Variants in ZGPAT observed in about 807,000 individuals in gnomAD.
ZGPAT encodes the protein zinc finger CCCH-type with G patch domain-containing protein.
ZGPAT carries 39 observed loss-of-function variants against 47.9 expected under a neutral mutation model. The ratio of observed to expected loss-of-function variants is 0.81; its 90% CI spans 0.63 to 1.06. The LOEUF is 1.06. Among genes scored for constraint, ZGPAT ranks in the 50% least tolerant of loss-of-function variants. ZGPAT has a pLI of 0.00. For missense variants in ZGPAT, 717 were observed against 681.4 expected (o/e 1.05, Z -0.58); for synonymous variants, 348 against 292.9 (o/e 1.19, Z -1.92).
intron 2 of ZGPAT, among the ~76,000 whole-genome samples, chr20:63,729,326 G>A (rs534240900): frequency 1.3e-5 from 2 of 152,210 alleles, no homozygotes; most frequent in South Asian, 2.1e-4. Context: ...CACCGCTCCC[G>A]GCCCATATTC....
intron 2 of ZGPAT, among the ~76,000 whole-genome samples, chr20:63,732,329 G>A (rs1242858485): frequency 7.8e-5 from 4 of 51,088 alleles, no homozygotes; most frequent in South Asian, 1.3e-3. Context: ...GCATGTGTGT[G>A]CACGTGTGTG....
At chr20:63,710,994 C>T (rs570057562) in intron 2 of ZGPAT, among the ~76,000 whole-genome samples, 3 of 152,030 alleles carry the variant, frequency 2.0e-5, no homozygotes, top group Admixed American at 6.6e-5. Context: ...GTGTAACCAT[C>T]CCTAGTTCTA....
intron 2 of ZGPAT, among the ~76,000 whole-genome samples, chr20:63,731,222 C>A (rs181485655): frequency 2.6e-5 from 4 of 152,126 alleles, no homozygotes; most frequent in Non-Finnish European, 5.9e-5. Flanking sequence ...ATGGGACACA[C>A]GGGGCATATT....
At chr20:63,722,958 G>C (rs932343967) in intron 2 of ZGPAT, among the ~76,000 whole-genome samples, 1 of 152,090 alleles carries the variant, frequency 6.6e-6, no homozygotes, top group Non-Finnish European at 1.5e-5. Flanking sequence ...CTATAACATA[G>C]ATCTACTTCC....
intron 2 of ZGPAT, among the ~76,000 whole-genome samples, chr20:63,721,010 T>C (rs1302124809): frequency 2.0e-5 from 3 of 152,130 alleles, no homozygotes; most frequent in Non-Finnish European, 2.9e-5. Context: ...TTTAGGTTAG[T>C]GGTTAGCTTG....
chr20:63,735,826 C>T lies in ZGPAT; in HGVS notation c.1443C>T (p.Ala481=). 6.2e-7 allele frequency: 1 copy of T among 1,611,914 alleles called. No homozygotes were observed. Among genetic ancestry groups the T allele is most frequent in the Non-Finnish European group, 8.5e-7 (1 of 1,179,526 alleles). Residue 481 remains alanine (A), a synonymous_variant, in exon 7 of 7, where the codon GCC becomes GCT. Coordinates refer to ENST00000355969, the MANE Select transcript of ZGPAT (RefSeq NM_181485.3). ...AGCTGCAGGAGAAGCTGGCAGGAGC[C>T]CAGCGCCAGCTGGGGCAGCTCCGGG... The part of the protein sequence containing the change: ...SAQLQEKLAG[A]QRQLGQLRAQ...
chr20:63,716,125 G>T lies in ZGPAT; in HGVS notation c.584+6961G>T, dbSNP rs527578970. On this transcript the variant is annotated intron_variant, in intron 2 of 6. Coordinates refer to ENST00000355969, the MANE Select transcript of ZGPAT (RefSeq NM_181485.3). ...GCTCACTGCAACTTCTACCTCCCGA[G>T]TTCAAGTGATTCTCCCACCTCAGCC... Among the ~76,000 whole-genome samples, 6 of 152,202 alleles carry T rather than the reference G, an allele frequency of 3.9e-5. No individual in the cohort carries two copies. In the East Asian group the frequency reaches 7.8e-4, roughly 20 times the overall value.
At chr20:63,733,108 G>A (rs1195110155) in intron 2 of ZGPAT, 111 bp from the exon 3 acceptor site, 2 of 1,421,346 alleles carry the variant, frequency 1.4e-6, no homozygotes, top group South Asian at 1.3e-5. Flanking sequence ...ACGCACGCGT[G>A]TGTGTCTGTC....
chr20:63,710,801 A>G (rs1040823062), intron 2 of ZGPAT, among the ~76,000 whole-genome samples: 2 of 152,236 alleles, frequency 1.3e-5, no homozygotes, highest in African/African-American at 4.8e-5. Context: ...GTGTCATAAT[A>G]GGTAACACAT....
intron 2 of ZGPAT, among the ~76,000 whole-genome samples, chr20:63,724,937 A>C (rs2091828213): frequency 6.6e-6 from 1 of 151,322 alleles, no homozygotes; most frequent in Non-Finnish European, 1.5e-5. Flanking sequence ...GGCCTCCCAA[A>C]ATGCTGGGAT....
At chr20:63,713,309 C>T (rs2145642737) in intron 2 of ZGPAT, among the ~76,000 whole-genome samples, 1 of 151,802 alleles carries the variant, frequency 6.6e-6, no homozygotes, top group South Asian at 2.1e-4. Flanking sequence ...TGGCTCACTG[C>T]AAGCTCCACC....
Position 63,733,684 on chromosome 20 carries a change from G to A in ZGPAT, c.816G>A (p.Glu272=). The A allele has an allele frequency of 6.2e-7, 1 of 1,613,994 alleles. No homozygotes were observed. The highest frequency in any genetic ancestry group is 1.1e-5 in the South Asian group (1 of 91,084). Residue 272 remains glutamate, a synonymous_variant, in exon 4 of 7, where the codon GAG becomes GAA. Coordinates refer to ENST00000355969, the MANE Select transcript of ZGPAT (RefSeq NM_181485.3). ...GCATCCTGCCCCCACTGCGCACAGAGGCCACAGAGTCCGACTCAGACAGCG... is the reference window on the plus strand; with the variant it reads ...GCATCCTGCCCCCACTGCGCACAGAAGCCACAGAGTCCGACTCAGACAGCG... The part of the protein sequence containing the change: ...GDGILPPLRT[E]ATESDSDSDG...
intron 2 of ZGPAT, among the ~76,000 whole-genome samples, chr20:63,725,913 A>G (rs1377754332): frequency 2.6e-5 from 4 of 151,294 alleles, no homozygotes; most frequent in Admixed American, 1.3e-4. Context: ...GCTCACTGCA[A>G]CCTCCACCAC....
chr20:63,732,742 ATG>A (rs369106342), intron 2 of ZGPAT, among the ~76,000 whole-genome samples: 91 of 149,724 alleles, frequency 6.1e-4, no homozygotes, highest in South Asian at 4.6e-3. Flanking sequence ...ATGTCTGTAT[ATG>A]TGTGTGTATG....
In ZGPAT at chr20:63,731,613, G is replaced by A. The variant is rs1198602758; in HGVS notation, c.585-1606G>A. ...GTGTAAAGTGTACAGTTGGCCCTTG[G>A]TGTGTGTGTGATTGTGCATATGTGT... On this transcript the variant is annotated intron_variant, in intron 2 of 6. Coordinates refer to ENST00000355969, the MANE Select transcript of ZGPAT (RefSeq NM_181485.3). 4.6e-5 allele frequency among the ~76,000 whole-genome samples: 7 copies of A among 151,084 alleles called. No individual in the cohort carries two copies. The East Asian group carries it at 1.4e-3, about 30-fold the overall frequency.
In ZGPAT at chr20:63,709,018, G is replaced by A; in HGVS notation, c.438G>A (p.Glu146=). The change falls in exon 2 of 7, where the codon GAG becomes GAA. Residue 146 remains glutamate (E), a synonymous_variant. Transcript: ENST00000355969. ...ACTACAGCTCCTGGGGCACTCTGGAGTATCACAACGCCATGGTGGTGGGAA... is the reference window on the plus strand; with the variant it reads ...ACTACAGCTCCTGGGGCACTCTGGAATATCACAACGCCATGGTGGTGGGAA... The part of the protein sequence containing the change: ...APYYSSWGTL[E]YHNAMVVGTE... 2 of 1,613,702 alleles carry A rather than the reference G, an allele frequency of 1.2e-6. No individual in the cohort carries two copies. The highest frequency in any genetic ancestry group is 1.6e-4 in the Middle Eastern group (1 of 6,062).
At chr20:63,711,513 G>T (rs1424278117) in intron 2 of ZGPAT, among the ~76,000 whole-genome samples, 1 of 152,016 alleles carries the variant, frequency 6.6e-6, no homozygotes, top group Admixed American at 6.6e-5. Flanking sequence ...TCGGCATCAG[G>T]CCTGATCTGA....
intron 2 of ZGPAT, among the ~76,000 whole-genome samples, chr20:63,732,228 C>T (rs1034250829): frequency 7.6e-6 from 1 of 132,116 alleles, no homozygotes; most frequent in South Asian, 2.6e-4. Context: ...TGTTTGGGTG[C>T]GGGTGCATGT....
chr20:63,731,982 C>T (rs183176689), intron 2 of ZGPAT, among the ~76,000 whole-genome samples: 59 of 152,288 alleles, frequency 3.9e-4, no homozygotes, highest in Non-Finnish European at 6.9e-4. Context: ...CTTGAGCATC[C>T]TTGGATTTTG....
Sources: allele counts gnomAD v4.1 joint callset (sites outside exome capture counted in the v4.1 genomes callset), GRCh38; gene constraint gnomAD v4.1.1; transcripts MANE v1.5; gene names NCBI Gene and HGNC (gene_info 2026-07-23, HGNC 2026-07-21).